The following NSUN6 variants were observed in gnomAD, a reference collection of about 807,000 sequenced individuals.
NSUN6 encodes the protein NOP2/Sun RNA methyltransferase 6.
NSUN6 carries 64 observed loss-of-function variants against 58.0 expected under a neutral mutation model. The observed-to-expected ratio is 1.10, with a 90% CI of 0.90 to 1.36. NSUN6 has a LOEUF of 1.36. Ranked by LOEUF, NSUN6 falls within the 40% of genes most tolerant of loss-of-function variation. NSUN6 has a pLI of 0.00. For missense variants in NSUN6, 701 were observed against 550.1 expected, an observed-to-expected ratio of 1.27 and a Z score of -2.74; for synonymous variants, 231 against 193.9, an observed-to-expected ratio of 1.19 and a Z score of -1.59.
intron 3 of NSUN6, among the ~76,000 whole-genome samples, chr10:18,625,201 G>C (rs1369295059): frequency 6.6e-6 from 1 of 152,116 alleles, no homozygotes; most frequent in African/African-American, 2.4e-5. Flanking sequence ...ATAGCCATTG[G>C]TGTGACCGTA....
intron 8 of NSUN6, among the ~76,000 whole-genome samples, chr10:18,565,747 C>T (rs111208106): frequency 1.7e-4 from 25 of 150,332 alleles, no homozygotes; most frequent in African/African-American, 3.9e-4. Context: ...CTCCATTCCA[C>T]GCTCCATTTC....
rs779009196 is a variant in NSUN6, at chr10:18,648,537, C to A, written c.184G>T (p.Ala62Ser). 8 of 1,609,692 alleles carry A rather than the reference C, an allele frequency of 5.0e-6. No homozygotes were observed. The highest frequency in any genetic ancestry group is 6.8e-6 in the Non-Finnish European group (8 of 1,176,214). ...FTTVRVNTHL[A>S]SVQHVKNLLL... is the part of the protein sequence containing the mutation. ...AGATTTTTCACATGTTGTACTGAGGCTAAATGTGTATTCACTCTGACAGTT... is the reference window on the plus strand; with the variant it reads ...AGATTTTTCACATGTTGTACTGAGGATAAATGTGTATTCACTCTGACAGTT... The change falls in exon 2 of 11, where the codon GCC becomes TCC. Residue 62 changes from alanine to serine, a missense_variant. Transcript: ENST00000377304.
chr10:18,574,757 C>T (rs558127118), intron 8 of NSUN6, among the ~76,000 whole-genome samples: 24 of 152,196 alleles, frequency 1.6e-4, no homozygotes, highest in African/African-American at 5.8e-4. Context: ...TGGGAAAATT[C>T]GGAGTGAATG....
At chr10:18,554,934 T>TGGAAC (rs1459379174) in intron 8 of NSUN6, among the ~76,000 whole-genome samples, 1 of 143,806 alleles carries the variant, frequency 7.0e-6, no homozygotes, top group Non-Finnish European at 1.5e-5. Flanking sequence ...GAATCAAGAA[T>TGGAAC]GGAATGGAAT....
At chr10:18,555,564 G>A (rs1262908432) in intron 8 of NSUN6, among the ~76,000 whole-genome samples, 2 of 148,102 alleles carry the variant, frequency 1.4e-5, no homozygotes, top group East Asian at 3.9e-4. Context: ...ATAGAGAATG[G>A]AATGGAATGG....
At chr10:18,604,456 G>C (rs191132397) in intron 6 of NSUN6, among the ~76,000 whole-genome samples, 1 of 152,258 alleles carries the variant, frequency 6.6e-6, no homozygotes, top group East Asian at 1.9e-4. Context: ...CTCAAAGTAT[G>C]GCCCGCAAAT....
intron 8 of NSUN6, among the ~76,000 whole-genome samples, chr10:18,575,652 C>G (rs1442090295): frequency 6.6e-6 from 1 of 152,112 alleles, no homozygotes; most frequent in African/African-American, 2.4e-5. Flanking sequence ...ACCACTTAAC[C>G]AAGTTAGTCT....
chr10:18,613,626 T>G (rs897238982), intron 5 of NSUN6, among the ~76,000 whole-genome samples: 14 of 152,214 alleles, frequency 9.2e-5, no homozygotes, highest in African/African-American at 3.4e-4. Flanking sequence ...TTTATATTCA[T>G]GAAGCCTTCT....
chr10:18,619,098 T>C (rs777278108), intron 3 of NSUN6, among the ~76,000 whole-genome samples: 10 of 152,206 alleles, frequency 6.6e-5, no homozygotes, highest in Non-Finnish European at 1.3e-4. Context: ...CAGCTTATTA[T>C]ATATGCTGAT....
upstream of NSUN6, among the ~76,000 whole-genome samples, chr10:18,657,513 AG>A (rs1328253987): frequency 2.6e-5 from 4 of 152,234 alleles, no homozygotes; most frequent in Non-Finnish European, 5.9e-5. Flanking sequence ...CTTAGTTAAA[AG>A]TAGAAGTATA....
intron 3 of NSUN6, among the ~76,000 whole-genome samples, chr10:18,635,306 A>G (rs2131516101): frequency 6.6e-6 from 1 of 152,198 alleles, no homozygotes; most frequent in East Asian, 1.9e-4. Flanking sequence ...GTATGCTTTC[A>G]TGTAATAAAC....
At chr10:18,641,388 C>G (rs1564841413) in intron 3 of NSUN6, among the ~76,000 whole-genome samples, 1 of 145,242 alleles carries the variant, frequency 6.9e-6, no homozygotes, top group Non-Finnish European at 1.5e-5. Context: ...TTTTTTGAGA[C>G]AAGGTCCCGC....
upstream of NSUN6, chr10:18,655,189 AAAC>A (rs1455315385): frequency 3.1e-6 from 3 of 972,772 alleles, no homozygotes; most frequent in Non-Finnish European, 3.7e-6. Flanking sequence ...AGAAAGGAAC[AAAC>A]AACATAGATT....
intron 5 of NSUN6, among the ~76,000 whole-genome samples, chr10:18,612,662 T>C (rs559447808): frequency 8.0e-4 from 122 of 152,308 alleles, no homozygotes; most frequent in Non-Finnish European, 1.2e-3. Context: ...TCTTCGACTA[T>C]CTCCTTCTGA....
chr10:18,593,503 G>T (rs10828967), intron 7 of NSUN6, among the ~76,000 whole-genome samples: 59,861 of 151,936 alleles, frequency 0.39, 12,451 homozygotes, highest in East Asian at 0.74. Context: ...GTGGCACATA[G>T]ACACCATGGA....
intron 5 of NSUN6, among the ~76,000 whole-genome samples, chr10:18,611,211 T>G (rs897103012): frequency 6.6e-6 from 1 of 151,976 alleles, no homozygotes; most frequent in African/African-American, 2.4e-5. Flanking sequence ...TTAAAAAAAT[T>G]TTTTTTAAAA....
intron 7 of NSUN6, among the ~76,000 whole-genome samples, chr10:18,593,294 T>C (rs1051301716): frequency 6.6e-6 from 1 of 152,182 alleles, no homozygotes; most frequent in Non-Finnish European, 1.5e-5. Context: ...TGGAAGACAG[T>C]GTGGCGATTC....
chr10:18,619,791 G>A (rs2058536520), intron 3 of NSUN6, among the ~76,000 whole-genome samples: 1 of 152,114 alleles, frequency 6.6e-6, no homozygotes, highest in African/African-American at 2.4e-5. Flanking sequence ...ACTGTCAGTT[G>A]ATGTAAGAAA....
chr10:18,607,793 A>C (rs1485329973), intron 6 of NSUN6, among the ~76,000 whole-genome samples: 2 of 152,230 alleles, frequency 1.3e-5, no homozygotes, highest in African/African-American at 4.8e-5. Context: ...TGACTCTGCA[A>C]ATTTTTACCT....
Sources: allele counts gnomAD v4.1 joint callset (sites outside exome capture counted in the v4.1 genomes callset), GRCh38; gene constraint gnomAD v4.1.1; transcripts MANE v1.5; gene names NCBI Gene and HGNC (gene_info 2026-07-23, HGNC 2026-07-21).